The following TRMT11 variants were observed in gnomAD, a reference collection of about 807,000 sequenced individuals.
TRMT11 encodes the protein tRNA methyltransferase 11, also known as tRNA (guanine(10)-N(2))-methyltransferase TRMT11.
Under a neutral mutation model 62.8 loss-of-function variants are expected in TRMT11, and 53 were observed. The ratio of observed to expected loss-of-function variants is 0.84; its 90% CI spans 0.68 to 1.06. The LOEUF (loss-of-function observed/expected upper bound fraction) is 1.06, where lower values mean the gene tolerates loss of function less well. Among genes scored for constraint, TRMT11 ranks in the 50% least tolerant of loss-of-function variants. The probability of loss-of-function intolerance (pLI) is 0.00; values close to 1 mark genes in which losing one functional copy is unlikely to be tolerated. For missense variants in TRMT11, 556 were observed against 553.4 expected (o/e 1.00, Z -0.05); for synonymous variants, 188 against 190.3 (o/e 0.99, Z 0.10).
chr6:126,091,884 A>G (rs951074709), intron 17 of TRMT11, among the ~76,000 whole-genome samples: 3 of 152,162 alleles, frequency 2.0e-5, no homozygotes, highest in Non-Finnish European at 2.9e-5. Flanking sequence ...AATTCATTCA[A>G]TTTCTTGAGA....
intron 1 of TRMT11, among the ~76,000 whole-genome samples, chr6:125,988,243 A>C (rs1002726182): frequency 1.3e-5 from 2 of 152,214 alleles, no homozygotes. Context: ...ATTTTTGCTA[A>C]AGCGAATATG....
At chr6:126,270,840 G>A in the TRMT11 span, among the ~76,000 whole-genome samples, 1 of 152,030 alleles carries the variant, frequency 6.6e-6, no homozygotes, top group Non-Finnish European at 1.5e-5. Context: ...ATTTTCCCAT[G>A]TTTTTCAACC....
At chr6:126,212,043 C>T in the TRMT11 span, among the ~76,000 whole-genome samples, 3,955 of 152,214 alleles carry the variant, frequency 0.026, 181 homozygotes, top group African/African-American at 0.09. Flanking sequence ...CTGTGCCTGG[C>T]TTATTTCACT....
chr6:126,162,908 T>C (rs1778207927), intron 21 of TRMT11, among the ~76,000 whole-genome samples: 1 of 152,208 alleles, frequency 6.6e-6, no homozygotes, highest in African/African-American at 2.4e-5. Context: ...ACATTGATTT[T>C]GTATCCTGAG....
rs553380093 is a variant in TRMT11, at chr6:126,198,137, C to G, written n.144-662C>G. On this transcript the variant is annotated intron_variant and non_coding_transcript_variant, in intron 1 of 3. Coordinates refer to the TRMT11 transcript ENST00000444229. ...CCTTTCAGGACACAGTCACTGCCCT[C>G]TGTCAATTACTGCCATCTCTTTACT... 2.0e-5 allele frequency among the ~76,000 whole-genome samples: 3 copies of G among 152,260 alleles called. No homozygotes were observed. In the South Asian group the frequency reaches 6.2e-4, roughly 32 times the overall value.
At chr6:125,992,500 C>T (rs1457727046) in intron 1 of TRMT11, among the ~76,000 whole-genome samples, 1 of 152,116 alleles carries the variant, frequency 6.6e-6, no homozygotes, top group Non-Finnish European at 1.5e-5. Flanking sequence ...ACTTCTTGAG[C>T]CACTGGACTT....
intron 20 of TRMT11, among the ~76,000 whole-genome samples, chr6:126,115,680 C>G (rs1777578681): frequency 6.6e-6 from 1 of 152,110 alleles, no homozygotes; most frequent in African/African-American, 2.4e-5. Context: ...AAGCTATTGT[C>G]TCTATTTCAA....
At chr6:126,087,713 G>T (rs1472168186) in intron 17 of TRMT11, among the ~76,000 whole-genome samples, 1 of 152,142 alleles carries the variant, frequency 6.6e-6, no homozygotes, top group African/African-American at 2.4e-5. Context: ...TTTAAACTAG[G>T]TAGCCACAAA....
chr6:125,991,691 G>C (rs1201387624), intron 1 of TRMT11, among the ~76,000 whole-genome samples: 1 of 152,154 alleles, frequency 6.6e-6, no homozygotes, highest in Non-Finnish European at 1.5e-5. Context: ...CCCAGCTACT[G>C]CATTAGAACT....
At chr6:126,257,003 A>C in the TRMT11 span, among the ~76,000 whole-genome samples, 235 of 152,070 alleles carry the variant, frequency 1.5e-3, 3 homozygotes, top group African/African-American at 5.3e-3. Flanking sequence ...CGTCTTCCCC[A>C]GTCTCCCAAG....
In TRMT11 at chr6:126,004,920, G is replaced by A. The variant is rs1288040624; in HGVS notation, c.680-3472G>A. 2.0e-5 allele frequency among the ~76,000 whole-genome samples: 3 copies of A among 152,146 alleles called. No homozygotes were observed. The East Asian group carries it at 5.8e-4, about 29-fold the overall frequency. The stretch of plus-strand genomic sequence containing the variant: ...ACTGTTGTTTAGAATGACATTATGA[G>A]CGGCAGAAACACACTTTTCTTTCAA... On this transcript the variant is annotated intron_variant, in intron 7 of 12. Coordinates refer to ENST00000334379, the MANE Select transcript of TRMT11 (RefSeq NM_001031712.3).
chr6:126,063,362 T>C (rs1714039828), intron 17 of TRMT11, among the ~76,000 whole-genome samples: 1 of 152,246 alleles, frequency 6.6e-6, no homozygotes, highest in South Asian at 2.1e-4. Context: ...CAGAGTAGTA[T>C]AGAAAAACTA....
At chr6:126,007,266 A>T (rs2128801796) in intron 7 of TRMT11, among the ~76,000 whole-genome samples, 1 of 152,110 alleles carries the variant, frequency 6.6e-6, no homozygotes, top group Middle Eastern at 3.4e-3. Flanking sequence ...CCATGCTACC[A>T]GACTATGTTT....
At chr6:126,246,859 C>T in the TRMT11 span, among the ~76,000 whole-genome samples, 9 of 152,144 alleles carry the variant, frequency 5.9e-5, no homozygotes, top group Non-Finnish European at 1.2e-4. Context: ...CAGGCAGAGA[C>T]ACATGCAAAC....
the TRMT11 span, among the ~76,000 whole-genome samples, chr6:126,213,982 A>G: frequency 5.9e-5 from 9 of 152,008 alleles, no homozygotes; most frequent in Non-Finnish European, 1.3e-4. Flanking sequence ...AATGCTTCTC[A>G]GCATCAATTG....
chr6:126,244,958 T>A, the TRMT11 span, among the ~76,000 whole-genome samples: 2 of 152,248 alleles, frequency 1.3e-5, no homozygotes, highest in African/African-American at 2.4e-5. Context: ...AAATATTCAA[T>A]GTAATGAGGT....
chr6:126,235,307 G>T, the TRMT11 span, among the ~76,000 whole-genome samples: 1 of 152,174 alleles, frequency 6.6e-6, no homozygotes, highest in East Asian at 1.9e-4. Flanking sequence ...AATCCTCAAA[G>T]ACCTAGAGGC....
chr6:126,108,986 A>G (rs1211552378), intron 17 of TRMT11, among the ~76,000 whole-genome samples: 2 of 152,180 alleles, frequency 1.3e-5, no homozygotes, highest in Non-Finnish European at 2.9e-5. Flanking sequence ...GGGAACTTCC[A>G]TATCCCTCCA....
chr6:126,104,114 C>T (rs1384906062), intron 17 of TRMT11, among the ~76,000 whole-genome samples: 1 of 152,210 alleles, frequency 6.6e-6, no homozygotes, highest in East Asian at 1.9e-4. Flanking sequence ...TAATCACCAT[C>T]AAAATTTGAA....
Sources: allele counts gnomAD v4.1 joint callset (sites outside exome capture counted in the v4.1 genomes callset), GRCh38; gene constraint gnomAD v4.1.1; transcripts MANE v1.5; gene names NCBI Gene and HGNC (gene_info 2026-07-23, HGNC 2026-07-21).